Variants in AFF4 observed in about 807,000 individuals in gnomAD.
AFF4 encodes ALF transcription elongation factor 4.
In AFF4, 13 loss-of-function variants were observed where a neutral mutation model predicts 124.8. The observed-to-expected ratio is 0.10, with a 90% CI of 0.07 to 0.17. The LOEUF (loss-of-function observed/expected upper bound fraction) is 0.17, where lower values mean the gene tolerates loss of function less well. Among genes scored for constraint, AFF4 ranks in the 10% least tolerant of loss-of-function variants. The probability of loss-of-function intolerance (pLI) is 1.00; values close to 1 mark genes in which losing one functional copy is unlikely to be tolerated. For synonymous variants in AFF4, 477 were observed against 496.1 expected (o/e 0.96, Z 0.51); for missense variants, 1,092 against 1,403.8 (o/e 0.78, Z 3.55).
At chr5:132,938,012 T>C (rs1451786893) in intron 1 of AFF4, among the ~76,000 whole-genome samples, 1 of 151,864 alleles carries the variant, frequency 6.6e-6, no homozygotes, top group Non-Finnish European at 1.5e-5. Flanking sequence ...CAGACAATGG[T>C]AGTAAAGGCT....
intron 4 of AFF4, chr5:132,927,512 T>C (rs982567729): frequency 6.1e-5 from 17 of 279,894 alleles, no homozygotes; most frequent in South Asian, 1.3e-4. Context: ...AGGAAGAGCT[T>C]GCTAGGAGAG....
At chr5:132,881,827 G>GA in intron 20 of AFF4, among the ~76,000 whole-genome samples, 1 of 130,190 alleles carries the variant, frequency 7.7e-6, no homozygotes, top group South Asian at 2.6e-4. Flanking sequence ...ATACAAAAAA[G>GA]TTTTTTTTTT....
intron 5 of AFF4, among the ~76,000 whole-genome samples, chr5:132,925,261 T>C (rs966077928): frequency 6.6e-6 from 1 of 151,992 alleles, no homozygotes; most frequent in African/African-American, 2.4e-5. Flanking sequence ...AAGAGTGATA[T>C]GGCACACATA....
At chr5:132,896,298 C>T in intron 11 of AFF4, 25 bp downstream of exon 11, 1 of 1,545,590 alleles carries the variant, frequency 6.5e-7, no homozygotes, top group Non-Finnish European at 8.7e-7. Flanking sequence ...TGTTTCAAAA[C>T]AAACAACAAA....
At chr5:132,881,762 C>T (rs1759984037) in intron 20 of AFF4, among the ~76,000 whole-genome samples, 1 of 151,966 alleles carries the variant, frequency 6.6e-6, no homozygotes, top group African/African-American at 2.4e-5. Flanking sequence ...TCTCGGTTCA[C>T]TGCAACCCTG....
At position 132,959,363 on chromosome 5, in the gene AFF4, G is replaced by A. The variant is rs185392133; in HGVS notation, c.-5+3896C>T. On this transcript the variant is annotated intron_variant, in intron 1 of 20. Coordinates refer to ENST00000265343, the MANE Select transcript of AFF4 (RefSeq NM_014423.4). ...TCTTGATCTCTCGACCTCGTGATCCGCCCACCTTGGCCTCCCAAAGTGCTG... is the reference window on the plus strand; with the variant it reads ...TCTTGATCTCTCGACCTCGTGATCCACCCACCTTGGCCTCCCAAAGTGCTG... Among the ~76,000 whole-genome samples, 1,027 of 152,086 alleles carry A rather than the reference G, an allele frequency of 6.8e-3. 17 individuals are homozygous for A. Among genetic ancestry groups the A allele is most frequent in the Non-Finnish European group, 0.011 (732 of 68,016 alleles).
At chr5:132,947,404 A>C (rs912086110) in intron 1 of AFF4, among the ~76,000 whole-genome samples, 3 of 152,236 alleles carry the variant, frequency 2.0e-5, no homozygotes, top group African/African-American at 7.2e-5. Context: ...CTCTGCCTCG[A>C]AAACAAAAAA....
At chr5:132,936,935 A>G (rs1332149316) in intron 2 of AFF4, 132 bp downstream of exon 2, 5 of 1,231,376 alleles carry the variant, frequency 4.1e-6, no homozygotes, top group Admixed American at 2.6e-5. Flanking sequence ...TCTTCTATGT[A>G]AAGGACAGGA....
In AFF4 at chr5:132,880,234, A is replaced by C; in HGVS notation, c.*825T>G. 2.5e-6 allele frequency: 1 copy of C among 399,028 alleles called. No homozygotes were observed. The highest frequency in any genetic ancestry group is 4.4e-6 in the Non-Finnish European group (1 of 226,042). The allele number at this position is 399,028 out of a possible 1,614,324, so 24.7% of individuals were successfully genotyped here. ...GGTTTTAATAAAATCCGTAACGTTCAGGATTGTCCTTTTATGAAACCCTTC... is the reference window on the plus strand; with the variant it reads ...GGTTTTAATAAAATCCGTAACGTTCCGGATTGTCCTTTTATGAAACCCTTC... On this transcript the variant is annotated 3_prime_UTR_variant, in exon 21 of 21. Transcript: ENST00000265343.
chr5:132,897,572 C>A (rs754158888), intron 10 of AFF4, among the ~76,000 whole-genome samples: 8 of 151,906 alleles, frequency 5.3e-5, no homozygotes, highest in Non-Finnish European at 7.4e-5. Flanking sequence ...TAGTCAGATG[C>A]GGTGGCGCAC....
Position 132,896,534 on chromosome 5 carries a change from T to C in AFF4, c.2096A>G (p.Lys699Arg). 6.2e-7 allele frequency: 1 copy of C among 1,614,198 alleles called. No homozygotes were observed. The highest frequency in any genetic ancestry group is 1.1e-5 in the South Asian group (1 of 91,084). Residue 699 changes from lysine to arginine, a missense_variant, in exon 11 of 21, where the codon AAG (lysine) becomes AGG (arginine). This residue lies in a region of AFF4 where 293 missense variants were observed against 280.2 expected (regional missense o/e 1.05). Coordinates refer to ENST00000265343, the MANE Select transcript of AFF4 (RefSeq NM_014423.4). Reference protein sequence around the residue: ...RQRMFSPMEEKELLSPLSEPD... With the variant: ...RQRMFSPMEERELLSPLSEPD... ...CTCACTGAGGGGTGAAAGAAGTTCC[T>C]TCTCTTCCATAGGAGAGAACATTCG...
At chr5:132,912,173 C>CAAAAAA (rs1188332109) in intron 5 of AFF4, among the ~76,000 whole-genome samples, 3 of 64,102 alleles carry the variant, frequency 4.7e-5, no homozygotes, top group Non-Finnish European at 1.0e-4. Context: ...ACTAAAAATA[C>CAAAAAA]AAAAAAAAAA....
chr5:132,946,893 A>C (rs922256412), intron 1 of AFF4, among the ~76,000 whole-genome samples: 2 of 152,178 alleles, frequency 1.3e-5, no homozygotes, highest in African/African-American at 4.8e-5. Context: ...CACATACATT[A>C]GTTATAAAAC....
chr5:132,892,025 T>C, intron 13 of AFF4, 139 bp downstream of exon 13: 1 of 1,254,514 alleles, frequency 8.0e-7, no homozygotes, highest in Non-Finnish European at 1.1e-6. Flanking sequence ...TTATCAGGAT[T>C]ATTACATATA....
intron 5 of AFF4, among the ~76,000 whole-genome samples, chr5:132,908,773 TATA>T (rs376504440): frequency 0.016 from 1,531 of 96,996 alleles, 20 homozygotes; most frequent in South Asian, 0.045. Context: ...TATATATATA[TATA>T]TTTTTTTTTT....
rs985663538 is a variant in AFF4 at position 132,902,480 on chromosome 5, A to G, written c.1095T>C (p.Tyr365=). Residue 365 remains tyrosine (Y), a synonymous_variant, in exon 7 of 21, where the codon TAT becomes TAC. Transcript: ENST00000265343. The part of the protein sequence containing the change: ...SNFGTGEQKR[Y]NPSKTSNGHQ... Reference sequence around the variant, plus strand: ...GCCCATTTGAAGTTTTAGAAGGATTATATCTTTCTGGAACAAAAAGAATGA... The same window carrying G: ...GCCCATTTGAAGTTTTAGAAGGATTGTATCTTTCTGGAACAAAAAGAATGA... 1.1e-5 allele frequency: 18 copies of G among 1,607,754 alleles called. No individual in the cohort carries two copies. Among genetic ancestry groups the G allele is most frequent in the Admixed American group, 1.7e-5 (1 of 59,976 alleles).
intron 1 of AFF4, among the ~76,000 whole-genome samples, chr5:132,949,519 T>C (rs1761780619): frequency 6.6e-6 from 1 of 151,520 alleles, no homozygotes; most frequent in South Asian, 2.1e-4. Flanking sequence ...TCTTAAAAAA[T>C]GTAAAAATTA....
At chr5:132,942,006 C>CA (rs781367169) in intron 1 of AFF4, among the ~76,000 whole-genome samples, 1,063 of 100,680 alleles carry the variant, frequency 0.011, 5 homozygotes, top group African/African-American at 0.027. Flanking sequence ...GACTCCATCT[C>CA]AAAAAAAAAA....
intron 12 of AFF4, 68 bp from the exon 13 acceptor site, chr5:132,892,472 C>G (rs1760288239): frequency 6.6e-7 from 1 of 1,526,704 alleles, no homozygotes; most frequent in African/African-American, 1.4e-5. Context: ...TTTTCCATTT[C>G]TCTTTGTCTG....
Sources: allele counts gnomAD v4.1 joint callset (sites outside exome capture counted in the v4.1 genomes callset), GRCh38; gene constraint gnomAD v4.1.1; regional missense constraint gnomAD v4.1.1; transcripts MANE v1.5; gene names NCBI Gene and HGNC (gene_info 2026-07-23, HGNC 2026-07-21).